ZDHHC5: variants seen among roughly 807,000 people sequenced by gnomAD.
ZDHHC5 encodes the protein zDHHC palmitoyltransferase 5.
In ZDHHC5, 22 loss-of-function variants were observed where a neutral mutation model predicts 70.0. That is an observed-to-expected ratio of 0.31 (90% CI 0.22 to 0.45). The LOEUF (loss-of-function observed/expected upper bound fraction) is 0.45, where lower values mean the gene tolerates loss of function less well. ZDHHC5 is among the 20% of genes least tolerant of loss of function. ZDHHC5 has a pLI of 1.00. For missense variants in ZDHHC5, 746 were observed against 926.9 expected (o/e 0.80, Z 2.53); for synonymous variants, 313 against 347.8 (o/e 0.90, Z 1.11).
chr11:57,691,006 A>G (rs1946278364), intron 6 of ZDHHC5, among the ~76,000 whole-genome samples: 2 of 152,204 alleles, frequency 1.3e-5, no homozygotes, highest in Non-Finnish European at 1.5e-5. Context: ...ATAATAATAA[A>G]GATACTCTCA....
At chr11:57,693,717 C>T in intron 7 of ZDHHC5, 66 bp from the exon 8 acceptor site, 1 of 1,470,858 alleles carries the variant, frequency 6.8e-7, no homozygotes, top group African/African-American at 1.4e-5. Context: ...ACAGTAGATA[C>T]TTTAAAATAT....
chr11:57,695,880 C>T lies in ZDHHC5; in HGVS notation c.886-40C>T, dbSNP rs1396053319. 4 of 1,601,046 alleles carry T rather than the reference C, an allele frequency of 2.5e-6. No individual in the cohort carries two copies. In the East Asian group the frequency reaches 8.9e-5, roughly 36 times the overall value. Reference sequence around the variant, plus strand: ...TAATACTTTGAGTTGCCATAATGCTCAATTTCTAAATCTGATTTTCCCTCC... The same window carrying T: ...TAATACTTTGAGTTGCCATAATGCTTAATTTCTAAATCTGATTTTCCCTCC... On this transcript the variant is annotated intron_variant, in intron 8 of 11. Coordinates refer to ENST00000287169, the MANE Select transcript of ZDHHC5 (RefSeq NM_015457.3).
chr11:57,670,205 G>A (rs915756668), intron 1 of ZDHHC5, among the ~76,000 whole-genome samples: 10 of 152,210 alleles, frequency 6.6e-5, no homozygotes, highest in Admixed American at 5.9e-4. Context: ...GCTGGGCAGA[G>A]TGTCTCACAC....
intron 1 of ZDHHC5, among the ~76,000 whole-genome samples, chr11:57,671,018 T>G (rs1946000482): frequency 6.6e-6 from 1 of 152,110 alleles, no homozygotes; most frequent in Admixed American, 6.6e-5. Flanking sequence ...TCTTTTAAAA[T>G]TCTAACTTAA....
chr11:57,698,690 C>T lies in ZDHHC5; in HGVS notation c.1254C>T (p.Phe418=), dbSNP rs555991599. ...CTACCTTTGGCAAAAGTTTTCACTT[C>T]GATCCACTATCCAGTGGCTCACGCT... The part of the protein sequence containing the change: ...RSPTFGKSFH[F]DPLSSGSRSS... Residue 418 remains phenylalanine (F), a synonymous_variant, in exon 11 of 12, where the codon TTC becomes TTT. Coordinates refer to ENST00000287169, the MANE Select transcript of ZDHHC5 (RefSeq NM_015457.3). The T allele has an allele frequency of 1.4e-5, 22 of 1,614,194 alleles. No homozygotes were observed. Among genetic ancestry groups the T allele is most frequent in the South Asian group, 2.2e-5 (2 of 91,074 alleles).
At chr11:57,692,835 CTCTATCTTAGAATGGTAAGTAG>C (rs1946303390) in intron 7 of ZDHHC5, 133 bp downstream of exon 7, 2 of 832,178 alleles carry the variant, frequency 2.4e-6, no homozygotes, top group Admixed American at 2.8e-5. Context: ...TAAGTACCCA[CTCTATCTTAGAATGGTAAGTAG>C]TCTATCTTAG....
In ZDHHC5 at chr11:57,672,480, A is replaced by G. The variant is rs1946018404; in HGVS notation, c.-611A>G. 2.7e-6 allele frequency: 1 copy of G among 368,728 alleles called. No individual in the cohort carries two copies. The highest frequency in any genetic ancestry group is 4.8e-6 in the Non-Finnish European group (1 of 207,802). The allele number at this position is 368,728 out of a possible 1,614,324, so 22.8% of individuals were successfully genotyped here. On this transcript the variant is annotated 5_prime_UTR_variant, in exon 2 of 12. Transcript: ENST00000287169. ...GTGGTGGCATTGAGAAGACTACCTA[A>G]AAGAGACAAAGACTGCAGTAAACAA...
chr11:57,692,731 A>G, intron 7 of ZDHHC5, 29 bp downstream of exon 7: 1 of 1,611,216 alleles, frequency 6.2e-7, no homozygotes, highest in Non-Finnish European at 8.5e-7. Flanking sequence ...TCTAGTGTTT[A>G]CCATTGGTCA....
intron 2 of ZDHHC5, among the ~76,000 whole-genome samples, chr11:57,673,493 G>A (rs749250645): frequency 6.6e-6 from 1 of 152,206 alleles, no homozygotes; most frequent in African/African-American, 2.4e-5. Context: ...AAGCTAGGAA[G>A]GAAGTGGGAG....
rs188028551 is a variant in ZDHHC5, at chr11:57,696,964, A to G, written c.1122+91A>G. 2.6e-3 allele frequency: 3,425 copies of G among 1,294,242 alleles called. 7 individuals carry two copies. Among genetic ancestry groups the G allele is most frequent in the Non-Finnish European group, 3.1e-3 (2,869 of 916,216 alleles). The allele number at this position is 1,294,242 out of a possible 1,614,324, so 80.2% of individuals were successfully genotyped here. On this transcript the variant is annotated intron_variant, in intron 10 of 11. Transcript: ENST00000287169. ...GTAATCCCAGCACTTTGGGAGCCCA[A>G]GGTGGGTGGATCACAAGGTCAAGAG...
intron 3 of ZDHHC5, among the ~76,000 whole-genome samples, chr11:57,685,180 C>G (rs1314452918): frequency 1.3e-5 from 2 of 152,046 alleles, no homozygotes; most frequent in African/African-American, 4.8e-5. Flanking sequence ...ATTGTGCTCC[C>G]AAAGCCTACA....
chr11:57,681,534 C>T (rs563273249), intron 2 of ZDHHC5: 1 of 152,342 alleles, frequency 6.6e-6, no homozygotes, highest in African/African-American at 2.4e-5. Flanking sequence ...TCCAAAACTT[C>T]CAGCTCCCAG....
At chr11:57,680,978 C>A (rs1012658966) in intron 2 of ZDHHC5, among the ~76,000 whole-genome samples, 1 of 152,150 alleles carries the variant, frequency 6.6e-6, no homozygotes, top group African/African-American at 2.4e-5. Flanking sequence ...TAATTGTGTA[C>A]TGACATATCA....
chr11:57,682,908 T>A (rs1406545373), intron 3 of ZDHHC5, among the ~76,000 whole-genome samples: 2 of 152,210 alleles, frequency 1.3e-5, no homozygotes, highest in African/African-American at 2.4e-5. Context: ...AAGACAGTTA[T>A]GACAGTGTGA....
Position 57,673,237 on chromosome 11 carries a change from C to G in ZDHHC5, c.104+43C>G, listed in dbSNP as rs547736100. On this transcript the variant is annotated intron_variant, in intron 2 of 11. Coordinates refer to ENST00000287169, the MANE Select transcript of ZDHHC5 (RefSeq NM_015457.3). ...AGGGGTGTTTGGGTGGGTGGATACT[C>G]CATGGGAAGTGAGGAGATAACGCTT... is the stretch of plus-strand genomic sequence containing the variant. The G allele has an allele frequency of 2.5e-5, 39 of 1,587,840 alleles. No individual in the cohort carries two copies. The African/African-American group carries it at 4.2e-4, about 17-fold the overall frequency.
intron 6 of ZDHHC5, among the ~76,000 whole-genome samples, chr11:57,690,651 T>C (rs1590867443): frequency 6.6e-6 from 1 of 152,294 alleles, no homozygotes; most frequent in Middle Eastern, 3.4e-3. Context: ...ATATACACCA[T>C]GGAATACTAT....
intron 2 of ZDHHC5, among the ~76,000 whole-genome samples, chr11:57,677,637 T>C (rs1362310192): frequency 6.6e-6 from 1 of 152,170 alleles, no homozygotes; most frequent in Non-Finnish European, 1.5e-5. Flanking sequence ...TGGAAATCCA[T>C]GATGGTCTTT....
intron 10 of ZDHHC5, among the ~76,000 whole-genome samples, chr11:57,697,965 C>T (rs572958519): frequency 6.6e-6 from 1 of 151,002 alleles, no homozygotes; most frequent in Admixed American, 6.6e-5. Context: ...GAAACCCTGT[C>T]TCTACTAAAA....
chr11:57,670,235 G>C (rs561237629), intron 1 of ZDHHC5, among the ~76,000 whole-genome samples: 1 of 152,166 alleles, frequency 6.6e-6, no homozygotes, highest in African/African-American at 2.4e-5. Flanking sequence ...CAGCACTTTG[G>C]GTGAGGAGGC....
Sources: allele counts gnomAD v4.1 joint callset (sites outside exome capture counted in the v4.1 genomes callset), GRCh38; gene constraint gnomAD v4.1.1; transcripts MANE v1.5; gene names NCBI Gene and HGNC (gene_info 2026-07-23, HGNC 2026-07-21).